Variants in MMP26 observed in about 807,000 individuals in gnomAD.
MMP26 encodes matrix metallopeptidase 26.
MMP26 carries 33 observed loss-of-function variants against 31.0 expected under a neutral mutation model. That is an observed-to-expected ratio of 1.06 (90% CI 0.81 to 1.42). MMP26 has a LOEUF of 1.42. Among genes scored for constraint, MMP26 ranks in the 40% most tolerant of loss-of-function variants. The pLI is 0.00. For synonymous variants in MMP26, 122 were observed against 114.9 expected (o/e 1.06, Z -0.40); for missense variants, 347 against 316.1 (o/e 1.10, Z -0.74).
intron 2 of MMP26, among the ~76,000 whole-genome samples, chr11:4,930,887 G>T (rs1175168336): frequency 6.6e-6 from 1 of 151,316 alleles, no homozygotes; most frequent in Non-Finnish European, 1.5e-5. Flanking sequence ...ATTTCTTTTT[G>T]CAGCGTTGTT....
rs575093665 is a variant in MMP26, at chr11:4,887,944, C to T, written c.-144-100124C>T. Among the ~76,000 whole-genome samples, 9 of 152,128 alleles carry T rather than the reference C, an allele frequency of 5.9e-5. No individual in the cohort carries two copies. The East Asian group carries it at 1.7e-3, about 29-fold the overall frequency. On this transcript the variant is annotated intron_variant, in intron 2 of 7. Coordinates refer to ENST00000380390, the MANE Select transcript of MMP26 (RefSeq NM_021801.5). The stretch of plus-strand genomic sequence containing the variant: ...GATAAGGAAGATTGTCCCTCCCTTC[C>T]CCATGAGGCTGTGGGGAATCTAGTC...
chr11:4,833,229 A>G (rs1849670397), intron 2 of MMP26, among the ~76,000 whole-genome samples: 1 of 152,230 alleles, frequency 6.6e-6, no homozygotes, highest in Non-Finnish European at 1.5e-5. Flanking sequence ...AGGAGCATCT[A>G]ATATACCACA....
At chr11:4,722,179 G>A (rs1056031452) in intron 1 of MMP26, among the ~76,000 whole-genome samples, 1 of 152,104 alleles carries the variant, frequency 6.6e-6, no homozygotes, top group African/African-American at 2.4e-5. Flanking sequence ...CCAGTCTCAG[G>A]TATTTATTTA....
intron 2 of MMP26, among the ~76,000 whole-genome samples, chr11:4,921,510 T>C (rs1013328423): frequency 2.6e-5 from 4 of 152,234 alleles, no homozygotes; most frequent in African/African-American, 9.6e-5. Flanking sequence ...TAAGAAAAAG[T>C]GTAGTTACGG....
At chr11:4,763,009 T>C (rs1463567200) in intron 1 of MMP26, among the ~76,000 whole-genome samples, 3 of 152,190 alleles carry the variant, frequency 2.0e-5, no homozygotes, top group Admixed American at 6.5e-5. Flanking sequence ...ATTTACAATT[T>C]GGGAGCAAGA....
chr11:4,892,858 A>G (rs1444675859), intron 2 of MMP26, among the ~76,000 whole-genome samples: 1 of 152,144 alleles, frequency 6.6e-6, no homozygotes, highest in Non-Finnish European at 1.5e-5. Context: ...TCCAATATGA[A>G]TCTCATGTTG....
At chr11:4,709,966 G>C (rs1275951184) in intron 1 of MMP26, 1 of 456,862 alleles carries the variant, frequency 2.2e-6, no homozygotes. Flanking sequence ...AACCCACTGA[G>C]ATATGCCACA....
intron 2 of MMP26, among the ~76,000 whole-genome samples, chr11:4,931,073 AAG>A (rs777430332): frequency 1.3e-3 from 199 of 152,140 alleles, no homozygotes; most frequent in Non-Finnish European, 2.1e-3. Flanking sequence ...GTATATTTGC[AAG>A]AGAGGAAGAG....
chr11:4,986,960 C>CTCA (rs1846908730), intron 2 of MMP26, among the ~76,000 whole-genome samples: 1 of 53,392 alleles, frequency 1.9e-5, no homozygotes. Context: ...TCTCTCTCTC[C>CTCA]CTCTCTCTCT....
rs192564312 is a variant in MMP26, at chr11:4,966,493, A to G, written c.-144-21575A>G. On this transcript the variant is annotated intron_variant, in intron 2 of 7. Coordinates refer to ENST00000380390, the MANE Select transcript of MMP26 (RefSeq NM_021801.5). ...TGAATGGCTCTGGTTAAACTGATTT[A>G]GCAAGATTCTTGCTAAATTGAACAA... 3.2e-4 allele frequency among the ~76,000 whole-genome samples: 48 copies of G among 152,290 alleles called. 1 individual carries two copies. The highest frequency in any genetic ancestry group is 1.1e-3 in the African/African-American group (44 of 41,568).
chr11:4,794,613 G>A (rs1168386795), intron 2 of MMP26, among the ~76,000 whole-genome samples: 1 of 152,094 alleles, frequency 6.6e-6, no homozygotes, highest in Non-Finnish European at 1.5e-5. Context: ...GGACTCTTTA[G>A]GTATTTGACC....
chr11:4,838,315 T>TAAAAAAAAAAAAAAAA (rs540572047), intron 2 of MMP26, among the ~76,000 whole-genome samples: 1 of 27,406 alleles, frequency 3.6e-5, no homozygotes, highest in Non-Finnish European at 1.0e-4. Context: ...AGACTCTGTC[T>TAAAAAAAAAAAAAAAA]AAAAAAAAAA....
rs558070375 is a variant in MMP26 at position 4,917,558 on chromosome 11, G to T, written c.-144-70510G>T. On this transcript the variant is annotated intron_variant, in intron 2 of 7. Transcript: ENST00000380390. ...CACTCCAATAACGGTGGCATTAATA[G>T]TTTGGGCCGTTAACTCACTGTCCAC... is the stretch of plus-strand genomic sequence containing the variant. Among the ~76,000 whole-genome samples, 208 of 152,244 alleles carry T rather than the reference G, an allele frequency of 1.4e-3. 2 individuals are homozygous for T. Among genetic ancestry groups the T allele is most frequent in the Non-Finnish European group, 1.4e-3 (97 of 68,012 alleles).
chr11:4,830,750 CAG>C (rs1849635398), intron 2 of MMP26, among the ~76,000 whole-genome samples: 1 of 152,160 alleles, frequency 6.6e-6, no homozygotes, highest in Non-Finnish European at 1.5e-5. Flanking sequence ...CCCAAAGTGT[CAG>C]TAAAGCTGAC....
At chr11:4,857,884 T>C (rs1374056746) in intron 2 of MMP26, among the ~76,000 whole-genome samples, 1 of 152,142 alleles carries the variant, frequency 6.6e-6, no homozygotes, top group Non-Finnish European at 1.5e-5. Flanking sequence ...GCCACGATCA[T>C]GTTGGCTTCA....
intron 2 of MMP26, chr11:4,943,040 C>T (rs1267921370): frequency 6.4e-6 from 1 of 155,726 alleles, no homozygotes; most frequent in Non-Finnish European, 1.4e-5. Context: ...ATCATACAGG[C>T]ATATTCTCTC....
intron 2 of MMP26, among the ~76,000 whole-genome samples, chr11:4,813,015 G>GTATATATATA (rs36076505): frequency 1.0e-4 from 15 of 147,640 alleles, no homozygotes; most frequent in African/African-American, 3.7e-4. Context: ...GTGTGTGTAT[G>GTATATATATA]TATATATATA....
intron 2 of MMP26, among the ~76,000 whole-genome samples, chr11:4,889,080 A>G (rs1334437490): frequency 2.0e-5 from 3 of 152,146 alleles, no homozygotes; most frequent in Non-Finnish European, 4.4e-5. Flanking sequence ...TGTCACATAC[A>G]CACTTATCAA....
chr11:4,924,392 A>C, intron 2 of MMP26: 1 of 1,523,568 alleles, frequency 6.6e-7, no homozygotes, highest in East Asian at 2.3e-5. Context: ...GATTCCTGGA[A>C]AGTGACAAGG....
Sources: gnomAD v4.1 joint callset for allele counts (sites outside exome capture counted in the v4.1 genomes callset) on GRCh38, gnomAD v4.1.1 for gene constraint, MANE v1.5 for transcripts, NCBI Gene and HGNC (gene_info 2026-07-23, HGNC 2026-07-21) for gene names.